The following TCP1 variants were observed in gnomAD, a reference collection of about 807,000 sequenced individuals.
TCP1 encodes the protein T-complex protein 1 subunit alpha.
A neutral mutation model predicts 54.7 loss-of-function variants in TCP1; 6 were observed. That is an observed-to-expected ratio of 0.11 (90% CI 0.06 to 0.22). The LOEUF (loss-of-function observed/expected upper bound fraction) is 0.22, where lower values mean the gene tolerates loss of function less well. Ranked by LOEUF, TCP1 falls within the 10% of genes least tolerant of loss-of-function variation. TCP1 has a pLI of 1.00. For synonymous variants in TCP1, 225 were observed against 229.7 expected (o/e 0.98, Z 0.19); for missense variants, 511 against 678.2 (o/e 0.75, Z 2.74).
chr6:159,789,239 A>T, intron 1 of TCP1, 166 bp downstream of exon 1: 1 of 721,326 alleles, frequency 1.4e-6, no homozygotes, highest in African/African-American at 1.8e-5. Flanking sequence ...AAGTGGGGCC[A>T]CAGCGCCCTG....
intron 1 of TCP1, 111 bp downstream of exon 1, chr6:159,789,294 A>G: frequency 7.9e-7 from 1 of 1,270,890 alleles, no homozygotes; most frequent in African/African-American, 1.5e-5. Flanking sequence ...CGGGGCCCCG[A>G]GGCCCTTTCT....
chr6:159,788,186 C>G (rs776147131), intron 1 of TCP1, 43 bp from the exon 2 acceptor site: 2 of 1,576,646 alleles, frequency 1.3e-6, no homozygotes, highest in African/African-American at 2.7e-5. Context: ...TGAGGATAAG[C>G]CACAACTCTG....
chr6:159,787,987 G>A (rs928538026), intron 2 of TCP1, 71 bp downstream of exon 2: 18 of 1,607,326 alleles, frequency 1.1e-5, no homozygotes, highest in Non-Finnish European at 1.4e-5. Flanking sequence ...TAAAGTCAAA[G>A]AAAGAACATA....
At position 159,779,711 on chromosome 6, in the gene TCP1, G is replaced by A. The variant is rs1248457722; in HGVS notation, c.1370C>T (p.Ala457Val). 6.2e-7 allele frequency: 1 copy of A among 1,613,566 alleles called. No individual in the cohort carries two copies. The highest frequency in any genetic ancestry group is 1.3e-5 in the African/African-American group (1 of 74,850). The change falls in exon 11 of 12, where the codon GCC becomes GTC. Residue 457 changes from alanine to valine, a missense_variant. Transcript: ENST00000321394. ...VIPNTLAVNA[A>V]QDSTDLVAKL... Reference sequence around the variant, plus strand: ...TGCAACCAGATCTGTGGAGTCCTGGGCAGCATTAACTGCTAGTGTATTGGG... The same window carrying A: ...TGCAACCAGATCTGTGGAGTCCTGGACAGCATTAACTGCTAGTGTATTGGG...
intron 8 of TCP1, 140 bp downstream of exon 8, chr6:159,780,795 T>C: frequency 8.0e-7 from 1 of 1,247,784 alleles, no homozygotes; most frequent in Non-Finnish European, 1.1e-6. Flanking sequence ...AATGGCTCTA[T>C]AAATGTGTTG....
At position 159,781,285 on chromosome 6, in the gene TCP1, C is replaced by A. The variant is rs374484065; in HGVS notation, c.798-175G>T. On this transcript the variant is annotated intron_variant, in intron 7 of 11. Transcript: ENST00000321394. ...AAAATTTGAAGGAATTAAAAATTAC[C>A]ACTTAGCTCTCCCCAACCCAAATTT... Among the ~76,000 whole-genome samples, 4 of 152,188 alleles carry A rather than the reference C, an allele frequency of 2.6e-5. 1 individual carries two copies. In the South Asian group the frequency reaches 8.3e-4, roughly 32 times the overall value.
In TCP1 at chr6:159,789,510, G is replaced by A; in HGVS notation, c.-42C>T. 2 of 1,612,330 alleles carry A rather than the reference G, an allele frequency of 1.2e-6. No homozygotes were observed. The highest frequency in any genetic ancestry group is 1.1e-5 in the South Asian group (1 of 91,004). ...CACGTCGAATTCTGCTTACACCGCG[G>A]GCAACCAGTATCGCGGCCCCTCGGC... is the stretch of plus-strand genomic sequence containing the variant. On this transcript the variant is annotated 5_prime_UTR_variant, in exon 1 of 12. Transcript: ENST00000321394.
chr6:159,789,394 C>T lies in TCP1; in HGVS notation c.64+11G>A, dbSNP rs1486069271. Reference sequence around the variant, plus strand: ...GGCCGCAAACCCGACCCAGGCCCGGCCCGCCCTTACCGTTTTGGGAGCGGA... The same window carrying T: ...GGCCGCAAACCCGACCCAGGCCCGGTCCGCCCTTACCGTTTTGGGAGCGGA... On this transcript the variant is annotated intron_variant, in intron 1 of 11. Transcript: ENST00000321394. The T allele has an allele frequency of 3.1e-6, 5 of 1,613,488 alleles. No individual in the cohort carries two copies. The highest frequency in any genetic ancestry group is 1.3e-5 in the African/African-American group (1 of 74,948).
chr6:159,786,087 T>C (rs1402073997), intron 3 of TCP1, 90 bp from the exon 4 acceptor site: 4 of 984,032 alleles, frequency 4.1e-6, no homozygotes, highest in Admixed American at 4.2e-5. Flanking sequence ...CATATATTAT[T>C]AACCAAAATG....
Position 159,784,065 on chromosome 6 carries a change from T to G in TCP1, c.673A>C (p.Met225Leu). Residue 225 changes from methionine (M) to leucine (L), a missense_variant and splice_region_variant, in exon 7 of 12, where the codon ATG (methionine) becomes CTG (leucine). Coordinates refer to ENST00000321394, the MANE Select transcript of TCP1 (RefSeq NM_030752.3). Reference sequence around the variant, plus strand: ...TTTGCATTTACGATTCTCTTGGGCATGCCTACAATTGAACATAAGATTAAG... The same window carrying G: ...TTTGCATTTACGATTCTCTTGGGCAGGCCTACAATTGAACATAAGATTAAG... ...ALNCVVGSQGMPKRIVNAKIA... is the reference protein window; with the variant it reads ...ALNCVVGSQGLPKRIVNAKIA... The G allele has an allele frequency of 6.2e-7, 1 of 1,612,472 alleles. No homozygotes were observed.
At chr6:159,783,379 A>AT (rs770127722) in intron 7 of TCP1, among the ~76,000 whole-genome samples, 7,725 of 118,672 alleles carry the variant, frequency 0.065, 581 homozygotes, top group African/African-American at 0.13. Flanking sequence ...TGTTTAAACT[A>AT]TTTTTTTTTT....
At chr6:159,789,096 C>G (rs1780779752) in intron 1 of TCP1, 2 of 422,752 alleles carry the variant, frequency 4.7e-6, no homozygotes, top group Non-Finnish European at 8.5e-6. Context: ...GAGGCGTGGC[C>G]CGCACGTGCG....
At chr6:159,789,136 G>A in intron 1 of TCP1, 1 of 470,044 alleles carries the variant, frequency 2.1e-6, no homozygotes, top group Non-Finnish European at 3.8e-6. Context: ...CCCGCGGAGG[G>A]CGCGTTTCCA....
chr6:159,779,271 A>C lies in TCP1; in HGVS notation c.1455-10T>G, dbSNP rs756600632. The stretch of plus-strand genomic sequence containing the variant: ...CAAATCAAGACCAATCCTGCAATTA[A>C]GAAAGAATTATTTAACGGCCGCTTA... On this transcript the variant is annotated splice_polypyrimidine_tract_variant and intron_variant, in intron 11 of 11. Transcript: ENST00000321394. The C allele has an allele frequency of 1.9e-6, 3 of 1,608,820 alleles. No homozygotes were observed. The highest frequency in any genetic ancestry group is 2.5e-6 in the Non-Finnish European group (3 of 1,176,740).
intron 5 of TCP1, 50 bp from the exon 6 acceptor site, chr6:159,784,897 C>T (rs1780656953): frequency 1.3e-6 from 2 of 1,579,734 alleles, no homozygotes; most frequent in Non-Finnish European, 1.7e-6. Flanking sequence ...ACAAAGGGTA[C>T]ACACGTGAAA....
chr6:159,788,213 G>C lies in TCP1; in HGVS notation c.65-70C>G, dbSNP rs145067686. The C allele has an allele frequency of 5.1e-4, 744 of 1,471,180 alleles. 13 individuals are homozygous for C. The East Asian group carries it at 0.017, about 33-fold the overall frequency. 91.1% of individuals were successfully genotyped at this position (1,471,180 alleles called of 1,614,324 possible). A position where few individuals can be genotyped will look rare whatever the true frequency, so the allele number is the denominator to read the frequency against. On this transcript the variant is annotated intron_variant, in intron 1 of 11. Coordinates refer to ENST00000321394, the MANE Select transcript of TCP1 (RefSeq NM_030752.3). ...ACAACTCTGAAAGACAGTAATTTCAGCCTAAAGGTAAATGACATCCAACAG... is the reference window on the plus strand; with the variant it reads ...ACAACTCTGAAAGACAGTAATTTCACCCTAAAGGTAAATGACATCCAACAG...
Position 159,780,014 on chromosome 6 carries a change from A to G in TCP1, c.1171T>C (p.Ser391Pro). The change falls in exon 10 of 12, where the codon TCT becomes CCT. Residue 391 changes from serine to proline, a missense_variant. By Grantham distance (74) the Ser-to-Pro change is moderately conservative. Around this residue, in one of 5 missense-constraint regions of TCP1, gnomAD observed 305 missense variants for 352.8 expected, o/e 0.86. Transcript: ENST00000321394. ...ACTACACAAAGTGCATCATGTAAAG[A>G]GCGCTCCATCTCATCACACATGAAA... ...NDFMCDEMER[S>P]LHDALCVVKR... 1.2e-6 allele frequency: 2 copies of G among 1,614,182 alleles called. No homozygotes were observed. The highest frequency in any genetic ancestry group is 1.3e-5 in the African/African-American group (1 of 75,064).
intron 9 of TCP1, 86 bp downstream of exon 9, chr6:159,780,357 C>G: frequency 6.3e-7 from 1 of 1,588,330 alleles, no homozygotes; most frequent in Non-Finnish European, 8.6e-7. Context: ...CACTGTGAGA[C>G]TACAAGCAGC....
chr6:159,780,699 CT>C, intron 8 of TCP1, 133 bp from the exon 9 acceptor site: 1 of 1,291,316 alleles, frequency 7.7e-7, no homozygotes, highest in Non-Finnish European at 1.1e-6. Context: ...ACGGTAACTC[CT>C]TTTATCCTAA....
Sources: gnomAD v4.1 joint callset for allele counts (sites outside exome capture counted in the v4.1 genomes callset) on GRCh38, gnomAD v4.1.1 for gene constraint, gnomAD v4.1.1 regional missense constraint, MANE v1.5 for transcripts, NCBI Gene and HGNC (gene_info 2026-07-23, HGNC 2026-07-21) for gene names.